Variants in LRRTM4 observed in about 807,000 individuals in gnomAD.
The protein encoded by LRRTM4 is leucine-rich repeat transmembrane neuronal protein 4.
In LRRTM4, 25 loss-of-function variants were observed where a neutral mutation model predicts 47.6. That is an observed-to-expected ratio of 0.53 (90% CI 0.38 to 0.73). The LOEUF (loss-of-function observed/expected upper bound fraction) is 0.73, where lower values mean the gene tolerates loss of function less well. Ranked by LOEUF, LRRTM4 falls within the 30% of genes least tolerant of loss-of-function variation. The pLI is 0.00. For synonymous variants in LRRTM4, 311 were observed against 269.5 expected, an observed-to-expected ratio of 1.15 and a Z score of -1.51; for missense variants, 638 against 713.4, an observed-to-expected ratio of 0.89 and a Z score of 1.20.
At chr2:77,175,478 C>G (rs1490436239) in intron 3 of LRRTM4, among the ~76,000 whole-genome samples, 1 of 152,038 alleles carries the variant, frequency 6.6e-6, no homozygotes, top group African/African-American at 2.4e-5. Context: ...CTTGCTGGCT[C>G]CTTGCTCCTT....
intron 3 of LRRTM4, among the ~76,000 whole-genome samples, chr2:77,334,314 C>A (rs188647728): frequency 2.9e-4 from 44 of 152,044 alleles, no homozygotes; most frequent in African/African-American, 9.6e-4. Flanking sequence ...TTAGGAGTGG[C>A]CAGGGGAGGA....
intron 3 of LRRTM4, among the ~76,000 whole-genome samples, chr2:77,384,787 C>A: frequency 6.6e-6 from 1 of 151,978 alleles, no homozygotes; most frequent in East Asian, 1.9e-4. Flanking sequence ...GATGGAACAA[C>A]AAATCTGTAA....
Position 77,084,047 on chromosome 2 carries a change from C to T in LRRTM4, c.1552-335131G>A, listed in dbSNP as rs990142762. Among the ~76,000 whole-genome samples, 53 of 151,858 alleles carry T rather than the reference C, an allele frequency of 3.5e-4. 1 individual carries two copies. Among genetic ancestry groups the T allele is most frequent in the Admixed American group, 3.0e-3 (46 of 15,238 alleles). On this transcript the variant is annotated intron_variant, in intron 3 of 3. Transcript: ENST00000409884. ...ATCCCCATCTCCTGACCTCGTGATC[C>T]ACCCGCCTCGGCCTCCCAAAGTGCT...
rs56149151 is a variant in LRRTM4 at position 77,123,213 on chromosome 2, CAG to C, written c.1552-374299_1552-374298del. ...TCCTTTGTGTTCAGCTTCAGTCTCA[CAG>C]AGAGAGAGAGAGAGAGAGAGAGAGA... On this transcript the variant is annotated intron_variant, in intron 3 of 3. Coordinates refer to ENST00000409884, the MANE Select transcript of LRRTM4 (RefSeq NM_001134745.3). Among the ~76,000 whole-genome samples the C allele has an allele frequency of 2.8e-3, 398 of 142,712 alleles. 1 individual carries two copies. Among genetic ancestry groups the C allele is most frequent in the Middle Eastern group, 0.011 (3 of 270 alleles). 93.6% of individuals were successfully genotyped at this position (142,712 alleles called of 152,430 possible).
intron 3 of LRRTM4, among the ~76,000 whole-genome samples, chr2:77,203,096 T>G (rs530685721): frequency 6.6e-6 from 1 of 152,050 alleles, no homozygotes. Flanking sequence ...GGAGTAAATA[T>G]ATATATATAC....
At chr2:77,406,617 A>G (rs438081) in intron 3 of LRRTM4, among the ~76,000 whole-genome samples, 67,181 of 151,508 alleles carry the variant, frequency 0.44, 15,056 homozygotes, top group East Asian at 0.6. Context: ...GCTCTCTTTT[A>G]GTAATATTAA....
chr2:77,195,022 A>T (rs1174147816), intron 3 of LRRTM4, among the ~76,000 whole-genome samples: 2 of 152,146 alleles, frequency 1.3e-5, no homozygotes, highest in African/African-American at 2.4e-5. Context: ...AGTTATTAAA[A>T]TATTTGATAG....
chr2:77,312,026 G>T (rs1405397421), intron 3 of LRRTM4, among the ~76,000 whole-genome samples: 2 of 152,134 alleles, frequency 1.3e-5, no homozygotes, highest in Admixed American at 1.3e-4. Flanking sequence ...CAATATTGGA[G>T]TGTTGATGAG....
At chr2:77,506,169 C>G (rs1477257126) in intron 3 of LRRTM4, among the ~76,000 whole-genome samples, 1 of 151,306 alleles carries the variant, frequency 6.6e-6, no homozygotes, top group Non-Finnish European at 1.5e-5. Context: ...CAAAAATGAC[C>G]TGGATATATT....
intron 3 of LRRTM4, among the ~76,000 whole-genome samples, chr2:77,404,410 A>G (rs1674084561): frequency 6.6e-6 from 1 of 152,050 alleles, no homozygotes; most frequent in South Asian, 2.1e-4. Context: ...GCATTTTACT[A>G]TAGTAATTTT....
intron 3 of LRRTM4, among the ~76,000 whole-genome samples, chr2:76,933,192 A>C (rs1196667453): frequency 1.3e-5 from 2 of 152,156 alleles, no homozygotes; most frequent in Non-Finnish European, 2.9e-5. Context: ...CTTCATCTGA[A>C]TTTCATGTCA....
chr2:76,927,292 T>G (rs2103823456), intron 3 of LRRTM4, among the ~76,000 whole-genome samples: 1 of 152,226 alleles, frequency 6.6e-6, no homozygotes, highest in Middle Eastern at 3.4e-3. Context: ...AGATGAAAAC[T>G]TCTCCCAAAA....
chr2:76,795,533 C>A (rs1675241171), intron 3 of LRRTM4, among the ~76,000 whole-genome samples: 2 of 151,852 alleles, frequency 1.3e-5, no homozygotes, highest in South Asian at 2.1e-4. Flanking sequence ...TACATATATA[C>A]CATATGCATA....
intron 3 of LRRTM4, among the ~76,000 whole-genome samples, chr2:76,891,185 T>C (rs571741500): frequency 2.6e-5 from 4 of 152,014 alleles, no homozygotes; most frequent in Admixed American, 2.0e-4. Context: ...CCCAACATTC[T>C]TCCTCCCAAG....
intron 3 of LRRTM4, among the ~76,000 whole-genome samples, chr2:76,935,103 C>T (rs1414405378): frequency 1.3e-5 from 2 of 151,930 alleles, no homozygotes; most frequent in African/African-American, 4.8e-5. Flanking sequence ...TCAATACAAG[C>T]CTATTAGATT....
intron 3 of LRRTM4, among the ~76,000 whole-genome samples, chr2:77,296,810 A>G (rs1239148029): frequency 6.6e-6 from 1 of 152,220 alleles, no homozygotes; most frequent in Non-Finnish European, 1.5e-5. Flanking sequence ...ACATGAATGT[A>G]GAACGATGCC....
chr2:77,387,468 A>C (rs1333675153), intron 3 of LRRTM4, among the ~76,000 whole-genome samples: 1 of 152,110 alleles, frequency 6.6e-6, no homozygotes, highest in East Asian at 1.9e-4. Context: ...CCCTCTTTAC[A>C]AGGCTGGGGT....
chr2:76,776,532 G>GTT (rs1239364701), intron 3 of LRRTM4, among the ~76,000 whole-genome samples: 1 of 151,994 alleles, frequency 6.6e-6, no homozygotes, highest in African/African-American at 2.4e-5. Context: ...TTTTTCATGT[G>GTT]TTTTTTGGCT....
chr2:76,849,340 A>C (rs1248274470), intron 3 of LRRTM4, among the ~76,000 whole-genome samples: 3 of 152,114 alleles, frequency 2.0e-5, no homozygotes, highest in African/African-American at 7.2e-5. Context: ...GGAACAGCAT[A>C]ATCTCACTTC....
Sources: gnomAD v4.1 joint callset for allele counts (sites outside exome capture counted in the v4.1 genomes callset) on GRCh38, gnomAD v4.1.1 for gene constraint, MANE v1.5 for transcripts, NCBI Gene and HGNC (gene_info 2026-07-23, HGNC 2026-07-21) for gene names.